Variants in KCNH7 observed in about 807,000 individuals in gnomAD.
The protein encoded by KCNH7 is potassium voltage-gated channel subfamily H member 7, also known as voltage-gated inwardly rectifying potassium channel KCNH7.
In KCNH7, 49 loss-of-function variants were observed where a neutral mutation model predicts 120.8. That is an observed-to-expected ratio of 0.41 (90% CI 0.32 to 0.51). The LOEUF (loss-of-function observed/expected upper bound fraction) is 0.51. Among genes scored for constraint, KCNH7 ranks in the 20% least tolerant of loss-of-function variants. KCNH7 has a pLI of 0.38. For missense variants in KCNH7, 1,097 were observed against 1,446.6 expected, an observed-to-expected ratio of 0.76 and a Z score of 3.92; for synonymous variants, 547 against 516.1, an observed-to-expected ratio of 1.06 and a Z score of -0.81.
intron 5 of KCNH7, 69 bp from the exon 6 acceptor site, chr2:162,504,726 C>T (rs1690811465): frequency 1.0e-6 from 1 of 957,220 alleles, no homozygotes; most frequent in African/African-American, 1.6e-5. Flanking sequence ...GTTCTGAATG[C>T]CCTGCTAATG....
rs531067038 is a variant in KCNH7 at position 162,745,834 on chromosome 2, A to T, written c.307+90703T>A. ...CTTAGATTTTTTTCCTTTAAAAAAA[A>T]TCTTTCTGCTTTTTCCCAGTTGATG... On this transcript the variant is annotated intron_variant, in intron 2 of 15. Transcript: ENST00000332142. Among the ~76,000 whole-genome samples, 6 of 152,164 alleles carry T rather than the reference A, an allele frequency of 3.9e-5. No individual in the cohort carries two copies. In the East Asian group the frequency reaches 1.2e-3, roughly 29 times the overall value.
chr2:162,736,559 G>A (rs1040363203), intron 2 of KCNH7, among the ~76,000 whole-genome samples: 1 of 152,172 alleles, frequency 6.6e-6, no homozygotes. Flanking sequence ...TACCCCAAAG[G>A]TAAATGATTC....
At chr2:162,611,445 A>G (rs1054891236) in intron 2 of KCNH7, among the ~76,000 whole-genome samples, 2 of 152,316 alleles carry the variant, frequency 1.3e-5, no homozygotes, top group African/African-American at 2.4e-5. Flanking sequence ...CGATACTCAG[A>G]TGCCATTTTA....
At chr2:162,555,833 ACTTG>A (rs1382942677) in intron 2 of KCNH7, among the ~76,000 whole-genome samples, 1 of 152,034 alleles carries the variant, frequency 6.6e-6, no homozygotes, top group African/African-American at 2.4e-5. Context: ...ATTCTGATCT[ACTTG>A]AGTAAAAGTC....
intron 6 of KCNH7, among the ~76,000 whole-genome samples, chr2:162,460,360 A>G (rs1689105329): frequency 6.6e-6 from 1 of 152,162 alleles, no homozygotes; most frequent in African/African-American, 2.4e-5. Context: ...AGCTTACTTT[A>G]GTTCTTGCTT....
chr2:162,644,451 A>G (rs1684280720), intron 2 of KCNH7, among the ~76,000 whole-genome samples: 1 of 152,186 alleles, frequency 6.6e-6, no homozygotes, highest in Admixed American at 6.5e-5. Flanking sequence ...CTATCACAAC[A>G]TATCTACAAT....
In KCNH7 at chr2:162,544,448, G is replaced by A. The variant is rs372028170; in HGVS notation, c.308-7368C>T. Reference sequence around the variant, plus strand: ...TATGATTTAGATCCTCACAAAAATGGCAATAGTACCATTATCATCCCCATT... The same window carrying A: ...TATGATTTAGATCCTCACAAAAATGACAATAGTACCATTATCATCCCCATT... On this transcript the variant is annotated intron_variant, in intron 2 of 15. Transcript: ENST00000332142. 3.9e-5 allele frequency among the ~76,000 whole-genome samples: 6 copies of A among 152,182 alleles called. No homozygotes were observed. In the East Asian group the frequency reaches 9.7e-4, roughly 25 times the overall value.
intron 2 of KCNH7, among the ~76,000 whole-genome samples, chr2:162,789,982 AT>A (rs1683863179): frequency 1.3e-5 from 2 of 151,918 alleles, no homozygotes; most frequent in African/African-American, 2.4e-5. Context: ...ACAGAAAAAA[AT>A]CAAACTATAT....
At chr2:162,657,946 T>C (rs948643029) in intron 2 of KCNH7, among the ~76,000 whole-genome samples, 2 of 152,078 alleles carry the variant, frequency 1.3e-5, no homozygotes, top group Non-Finnish European at 2.9e-5. Context: ...ATATATAAGT[T>C]GAAATAATCA....
intron 6 of KCNH7, among the ~76,000 whole-genome samples, chr2:162,447,081 C>G (rs965048034): frequency 6.6e-6 from 1 of 152,044 alleles, no homozygotes; most frequent in Non-Finnish European, 1.5e-5. Flanking sequence ...AATACACTTG[C>G]ATTCCAACCC....
At chr2:162,378,943 G>A (rs184749105) in intron 14 of KCNH7, among the ~76,000 whole-genome samples, 14 of 152,300 alleles carry the variant, frequency 9.2e-5, no homozygotes, top group Admixed American at 2.6e-4. Context: ...TGGTAACTTC[G>A]TTACATTATG....
intron 2 of KCNH7, among the ~76,000 whole-genome samples, chr2:162,631,176 T>C (rs943377296): frequency 1.3e-5 from 2 of 152,142 alleles, no homozygotes; most frequent in Non-Finnish European, 2.9e-5. Flanking sequence ...TTGAATTTTG[T>C]AGGCTGCCAC....
chr2:162,523,394 T>G (rs1416391018), intron 3 of KCNH7, among the ~76,000 whole-genome samples: 1 of 151,954 alleles, frequency 6.6e-6, no homozygotes, highest in Non-Finnish European at 1.5e-5. Flanking sequence ...TACATATATG[T>G]GCTAGTCACA....
rs1186209347 is a variant in KCNH7 at position 162,423,486 on chromosome 2, T to C, written c.2004A>G (p.Arg668=). 6.2e-7 allele frequency: 1 copy of C among 1,614,088 alleles called. No individual in the cohort carries two copies. Among genetic ancestry groups the C allele is most frequent in the Non-Finnish European group, 8.5e-7 (1 of 1,179,940 alleles). ...IFGNVSAIIQ[R]LYSGTARYHM... ...GGTACCTGGCAGTTCCCGAGTATAG[T>C]CTTTGGATAATTGCAGATACATTCC... Residue 668 remains arginine, a synonymous_variant, in exon 9 of 16, where the codon AGA becomes AGG. Coordinates refer to ENST00000332142, the MANE Select transcript of KCNH7 (RefSeq NM_033272.4).
chr2:162,766,985 A>G (rs1682842200), intron 2 of KCNH7, among the ~76,000 whole-genome samples: 1 of 152,086 alleles, frequency 6.6e-6, no homozygotes, highest in African/African-American at 2.4e-5. Context: ...AAAAAATTTA[A>G]CAATTTATCT....
At chr2:162,824,936 C>A (rs1306507458) in intron 2 of KCNH7, among the ~76,000 whole-genome samples, 1 of 151,770 alleles carries the variant, frequency 6.6e-6, no homozygotes, top group African/African-American at 2.4e-5. Flanking sequence ...AAAGCTCTTT[C>A]ATTAGTTATA....
At chr2:162,478,477 CA>C (rs1392608604) in intron 6 of KCNH7, among the ~76,000 whole-genome samples, 2 of 152,064 alleles carry the variant, frequency 1.3e-5, no homozygotes, top group Admixed American at 6.6e-5. Context: ...ATTTTAATTA[CA>C]ATATTTACTC....
chr2:162,737,471 G>A (rs1203144005), intron 2 of KCNH7, among the ~76,000 whole-genome samples: 1 of 151,946 alleles, frequency 6.6e-6, no homozygotes, highest in African/African-American at 2.4e-5. Flanking sequence ...AAAGAGTCAA[G>A]GTTCTGCTAT....
chr2:162,567,160 A>G (rs1186226131), intron 2 of KCNH7, among the ~76,000 whole-genome samples: 4 of 152,094 alleles, frequency 2.6e-5, no homozygotes, highest in African/African-American at 9.6e-5. Context: ...AAAGAAGATG[A>G]TAATTATAAA....
Sources: allele counts gnomAD v4.1 joint callset (sites outside exome capture counted in the v4.1 genomes callset), GRCh38; gene constraint gnomAD v4.1.1; transcripts MANE v1.5; gene names NCBI Gene and HGNC (gene_info 2026-07-23, HGNC 2026-07-21).